The following ODAD2 variants were observed in gnomAD, a reference collection of about 807,000 sequenced individuals.
ODAD2 encodes outer dynein arm docking complex subunit 2.
Under a neutral mutation model 106.8 loss-of-function variants are expected in ODAD2, and 89 were observed. The observed-to-expected ratio is 0.83, with a 90% CI of 0.70 to 0.99. ODAD2 has a LOEUF of 0.99. Among genes scored for constraint, ODAD2 ranks in the 50% least tolerant of loss-of-function variants. ODAD2 has a pLI of 0.00. For missense variants in ODAD2, 1,168 were observed against 1,238.5 expected (o/e 0.94, Z 0.85); for synonymous variants, 404 against 436.2 (o/e 0.93, Z 0.92).
chr10:27,958,665 A>C (rs1358657139), intron 10 of ODAD2, among the ~76,000 whole-genome samples: 3 of 152,242 alleles, frequency 2.0e-5, no homozygotes, highest in African/African-American at 4.8e-5. Flanking sequence ...CTACAATAAT[A>C]ATAAGCAATA....
intron 10 of ODAD2, among the ~76,000 whole-genome samples, chr10:27,952,348 T>C (rs927284855): frequency 6.6e-6 from 1 of 151,928 alleles, no homozygotes; most frequent in Non-Finnish European, 1.5e-5. Flanking sequence ...CGATGAGAAT[T>C]TACAACAATG....
intron 19 of ODAD2, among the ~76,000 whole-genome samples, chr10:27,813,915 T>G (rs1417616432): frequency 6.6e-6 from 1 of 152,134 alleles, no homozygotes. Flanking sequence ...AAGCGATATT[T>G]GGGATGAAAT....
At chr10:27,887,471 C>A (rs1207809728) in intron 17 of ODAD2, among the ~76,000 whole-genome samples, 3 of 151,836 alleles carry the variant, frequency 2.0e-5, no homozygotes, top group African/African-American at 7.2e-5. Flanking sequence ...CACTATAGAC[C>A]AACTGTACCT....
At chr10:27,913,378 C>T (rs553732923) in intron 16 of ODAD2, among the ~76,000 whole-genome samples, 6 of 151,958 alleles carry the variant, frequency 3.9e-5, no homozygotes, top group African/African-American at 1.2e-4. Flanking sequence ...TGAGAACATG[C>T]GGTATTTGGT....
intron 17 of ODAD2, among the ~76,000 whole-genome samples, chr10:27,894,638 G>T (rs1206892544): frequency 1.3e-5 from 2 of 151,578 alleles, no homozygotes; most frequent in African/African-American, 2.4e-5. Context: ...GTGCAGTGGC[G>T]CAATCACGCC....
intron 19 of ODAD2, among the ~76,000 whole-genome samples, chr10:27,829,233 A>G (rs1008454194): frequency 6.6e-6 from 1 of 152,192 alleles, no homozygotes; most frequent in Non-Finnish European, 1.5e-5. Context: ...GAAGAGCACA[A>G]TTTTTCTTCT....
At chr10:27,820,474 T>C (rs899349486) in intron 19 of ODAD2, among the ~76,000 whole-genome samples, 1 of 152,116 alleles carries the variant, frequency 6.6e-6, no homozygotes, top group Non-Finnish European at 1.5e-5. Context: ...TGCTGTGTGT[T>C]GGCTATTCCC....
Position 27,907,768 on chromosome 10 carries a change from A to G in ODAD2, c.2505T>C (p.Asp835=). The change falls in exon 17 of 20, where the codon GAT becomes GAC. Residue 835 remains aspartate (D), a synonymous_variant. Coordinates refer to ENST00000305242, the MANE Select transcript of ODAD2 (RefSeq NM_018076.5). ...ACAACAAACGAACTCCATCTAAGCG[A>G]TCAATTATCCTATCGTGGAACCCAA... is the stretch of plus-strand genomic sequence containing the variant. ...AVEPESMMII[D]RLDGVRLLWS... 1.9e-6 allele frequency: 3 copies of G among 1,612,750 alleles called. No individual in the cohort carries two copies. The highest frequency in any genetic ancestry group is 2.5e-6 in the Non-Finnish European group (3 of 1,178,984).
intron 19 of ODAD2, among the ~76,000 whole-genome samples, chr10:27,856,564 T>C (rs1172462565): frequency 6.6e-6 from 1 of 152,188 alleles, no homozygotes; most frequent in Non-Finnish European, 1.5e-5. Flanking sequence ...AATGGCTTAA[T>C]ACCCCCTGCT....
At chr10:27,886,291 G>A (rs1325136643) in intron 17 of ODAD2, among the ~76,000 whole-genome samples, 3 of 151,420 alleles carry the variant, frequency 2.0e-5, no homozygotes, top group Admixed American at 1.3e-4. Context: ...AACATGTCAT[G>A]TACAAGGGAT....
At chr10:27,932,216 G>A (rs1371649156) in intron 16 of ODAD2, among the ~76,000 whole-genome samples, 1 of 152,100 alleles carries the variant, frequency 6.6e-6, no homozygotes, top group Non-Finnish European at 1.5e-5. Flanking sequence ...GATTACAGAT[G>A]TAAGCCACCA....
At chr10:27,877,802 A>C (rs1252864463) in intron 17 of ODAD2, among the ~76,000 whole-genome samples, 1 of 152,180 alleles carries the variant, frequency 6.6e-6, no homozygotes, top group Admixed American at 6.5e-5. Flanking sequence ...TAATAATAAC[A>C]ATGATAGTAA....
chr10:27,822,743 G>A (rs1420306057), intron 19 of ODAD2, among the ~76,000 whole-genome samples: 1 of 152,216 alleles, frequency 6.6e-6, no homozygotes, highest in Non-Finnish European at 1.5e-5. Context: ...GGTCAGTGAA[G>A]GGAGTCAAGG....
rs567979073 is a variant in ODAD2 at position 27,899,456 on chromosome 10, C to T, written c.2610+8207G>A. On this transcript the variant is annotated intron_variant, in intron 17 of 19. Transcript: ENST00000305242. Reference sequence around the variant, plus strand: ...ACCCCAGTGGTGCCCGGAATGCCAGCGAGACAGAACTGTTCACACTCCTGG... The same window carrying T: ...ACCCCAGTGGTGCCCGGAATGCCAGTGAGACAGAACTGTTCACACTCCTGG... Among the ~76,000 whole-genome samples the T allele has an allele frequency of 4.6e-5, 7 of 152,008 alleles. No individual in the cohort carries two copies. In the East Asian group the frequency reaches 9.7e-4, roughly 21 times the overall value.
chr10:27,881,357 C>T (rs934880802), intron 17 of ODAD2, among the ~76,000 whole-genome samples: 3 of 151,926 alleles, frequency 2.0e-5, no homozygotes, highest in African/African-American at 7.3e-5. Flanking sequence ...CACTTTAAAA[C>T]CCAAAGAAGG....
chr10:27,888,545 T>C (rs947474811), intron 17 of ODAD2, among the ~76,000 whole-genome samples: 3 of 152,276 alleles, frequency 2.0e-5, no homozygotes, highest in African/African-American at 7.2e-5. Flanking sequence ...TTGAGTTCCT[T>C]GTAGAATCTA....
intron 19 of ODAD2, among the ~76,000 whole-genome samples, chr10:27,825,298 A>T (rs990366996): frequency 1.3e-5 from 2 of 152,186 alleles, no homozygotes; most frequent in Non-Finnish European, 2.9e-5. Flanking sequence ...ACGCAAAAAG[A>T]TCTGGAGCTG....
rs1452777300 is a variant in ODAD2 at position 27,939,935 on chromosome 10, C to T, written c.2059G>A (p.Glu687Lys). 3.1e-6 allele frequency: 5 copies of T among 1,611,218 alleles called. No individual in the cohort carries two copies. The highest frequency in any genetic ancestry group is 1.1e-5 in the South Asian group (1 of 90,644). The change falls in exon 14 of 20, where the codon GAG becomes AAG. Residue 687 changes from glutamate to lysine, a missense_variant. Around this residue, in one of 3 missense-constraint regions of ODAD2, gnomAD observed 701 missense variants for 712.3 expected, o/e 0.98. Transcript: ENST00000305242. ...NLVKNLNSEN[E>K]QLQEHCAMAI... ...ATGGCGCAGTGCTCCTGCAGCTGCT[C>T]ATTCTCACTATTTAGGTTCTTGACA...
intron 19 of ODAD2, among the ~76,000 whole-genome samples, chr10:27,856,435 T>C (rs1839657934): frequency 6.6e-6 from 1 of 152,176 alleles, no homozygotes; most frequent in East Asian, 1.9e-4. Flanking sequence ...GGTTAACCTC[T>C]TAACTTCTCC....
Sources: gnomAD v4.1 joint callset for allele counts (sites outside exome capture counted in the v4.1 genomes callset) on GRCh38, gnomAD v4.1.1 for gene constraint, gnomAD v4.1.1 regional missense constraint, MANE v1.5 for transcripts, NCBI Gene and HGNC (gene_info 2026-07-23, HGNC 2026-07-21) for gene names.